TRIO: variants seen among roughly 807,000 people sequenced by gnomAD.
The protein encoded by TRIO is triple functional domain protein.
In TRIO, 58 loss-of-function variants were observed where a neutral mutation model predicts 351.9. That is an observed-to-expected ratio of 0.16 (90% CI 0.13 to 0.21). The LOEUF is 0.21. TRIO is among the 10% of genes least tolerant of loss of function. The pLI is 1.00. For synonymous variants in TRIO, 1,758 were observed against 1,595.7 expected (o/e 1.10, Z -2.42); for missense variants, 3,201 against 4,027.8 (o/e 0.79, Z 5.56).
chr5:14,161,663 A>C (rs1310734667), intron 1 of TRIO, among the ~76,000 whole-genome samples: 1 of 152,098 alleles, frequency 6.6e-6, no homozygotes, highest in Non-Finnish European at 1.5e-5. Context: ...AAAATACAGA[A>C]TCCCTAGAGA....
intron 40 of TRIO, 135 bp downstream of exon 40, chr5:14,474,232 G>A (rs1408782625): frequency 2.7e-6 from 2 of 749,372 alleles, no homozygotes; most frequent in African/African-American, 1.7e-5. Flanking sequence ...TGGTGCAAAG[G>A]AGATATTGAT....
At chr5:14,472,681 TATCTTCGTA>T in intron 39 of TRIO, 23 bp downstream of exon 39, 1 of 1,612,454 alleles carries the variant, frequency 6.2e-7, no homozygotes, top group East Asian at 2.2e-5. Context: ...AGAAATTTAG[TATCTTCGTA>T]TCAGTTCCAA....
At chr5:14,212,357 C>G (rs1247008906) in intron 1 of TRIO, among the ~76,000 whole-genome samples, 1 of 151,962 alleles carries the variant, frequency 6.6e-6, no homozygotes, top group African/African-American at 2.4e-5. Context: ...GATGTCACAC[C>G]CCAGTGCAGC....
rs747345202 is a variant in TRIO at position 14,465,507 on chromosome 5, C to T, written c.5668-38C>T. 4.4e-6 allele frequency: 7 copies of T among 1,605,224 alleles called. No homozygotes were observed. The South Asian group carries it at 4.4e-5, about 10-fold the overall frequency. On this transcript the variant is annotated intron_variant, in intron 36 of 56. Transcript: ENST00000344204. ...GTCTGACCAGTTACTAATGTGAGCCCTTGCCCCACCCCCTCCTTTTCTTAA... is the reference window on the plus strand; with the variant it reads ...GTCTGACCAGTTACTAATGTGAGCCTTTGCCCCACCCCCTCCTTTTCTTAA...
At chr5:14,451,540 A>G (rs1213235518) in intron 34 of TRIO, among the ~76,000 whole-genome samples, 2 of 152,236 alleles carry the variant, frequency 1.3e-5, no homozygotes, top group East Asian at 3.8e-4. Context: ...TGTATGGTGG[A>G]AGAACTTCCT....
At chr5:14,388,555 T>C in intron 23 of TRIO, 58 bp from the exon 24 acceptor site, 13 of 1,492,756 alleles carry the variant, frequency 8.7e-6, no homozygotes, top group Non-Finnish European at 1.2e-5. Context: ...TCCATAAAAG[T>C]AGATAGTGAA....
At chr5:14,395,635 G>A (rs762168471) in intron 28 of TRIO, among the ~76,000 whole-genome samples, 7 of 152,210 alleles carry the variant, frequency 4.6e-5, no homozygotes, top group Non-Finnish European at 1.0e-4. Context: ...GTGCCCATCA[G>A]GCAGCTGAGT....
Position 14,387,770 on chromosome 5 carries a change from C to T in TRIO, c.3804C>T (p.Ile1268=). The part of the protein sequence containing the change: ...SLQLDIIPAS[I]PGSEVKLRDA... ...AGCTAGATATCATTCCAGCCAGTATCCCTGGCTCAGAGGTGAAACTTCGAG... is the reference window on the plus strand; with the variant it reads ...AGCTAGATATCATTCCAGCCAGTATTCCTGGCTCAGAGGTGAAACTTCGAG... Residue 1268 remains isoleucine, a synonymous_variant, in exon 23 of 57, where the codon ATC becomes ATT. Transcript: ENST00000344204. 1 of 1,614,206 alleles carries T rather than the reference C, an allele frequency of 6.2e-7. No homozygotes were observed. The highest frequency in any genetic ancestry group is 2.2e-5 in the East Asian group (1 of 44,886).
intron 18 of TRIO, among the ~76,000 whole-genome samples, 199 bp downstream of exon 18, chr5:14,369,722 T>C (rs1415583151): frequency 6.6e-6 from 1 of 152,258 alleles, no homozygotes; most frequent in Non-Finnish European, 1.5e-5. Flanking sequence ...GATTGCCTTG[T>C]CTTTCTAGTT....
intron 11 of TRIO, among the ~76,000 whole-genome samples, chr5:14,337,218 T>C (rs1210365924): frequency 6.6e-6 from 1 of 152,178 alleles, no homozygotes; most frequent in African/African-American, 2.4e-5. Flanking sequence ...CACCTGTTAA[T>C]CAGCTCATCT....
chr5:14,201,301 A>AT (rs1277185281), intron 1 of TRIO, among the ~76,000 whole-genome samples: 5 of 152,164 alleles, frequency 3.3e-5, no homozygotes, highest in Admixed American at 2.0e-4. Context: ...GTTCTCATCT[A>AT]TTTTTTAGAG....
chr5:14,488,237 G>C lies in TRIO; in HGVS notation c.7609G>C (p.Val2537Leu). 3 of 1,582,696 alleles carry C rather than the reference G, an allele frequency of 1.9e-6. No individual in the cohort carries two copies. The highest frequency in any genetic ancestry group is 1.7e-6 in the Non-Finnish European group (2 of 1,172,028). The change falls in exon 48 of 57, where the codon GTG (valine) becomes CTG (leucine). Residue 2537 changes from valine to leucine, a missense_variant. By Grantham distance (32) the Val-to-Leu change is conservative. This residue lies in a region of TRIO where 1,089 missense variants were observed against 954.9 expected (regional missense o/e 1.14). Transcript: ENST00000344204. ...STCSSASEQS[V>L]QSTQSNGSES... is the part of the protein sequence containing the mutation. ...GTGCTCCTCGGCCAGCGAGCAGTCC[G>C]TGCAGTCCACCCAGAGCAACGGGGT...
At chr5:14,504,688 T>G (rs1287978842) in intron 55 of TRIO, 95 bp downstream of exon 55, 2 of 1,464,160 alleles carry the variant, frequency 1.4e-6, no homozygotes, top group Non-Finnish European at 1.9e-6. Flanking sequence ...GGATAGAAAT[T>G]GGGTTTGTAG....
At chr5:14,357,431 A>C (rs781492526) in intron 11 of TRIO, among the ~76,000 whole-genome samples, 1 of 152,208 alleles carries the variant, frequency 6.6e-6, no homozygotes, top group Non-Finnish European at 1.5e-5. Context: ...ATGGACTTTC[A>C]GGAAGTAGGC....
chr5:14,364,999 A>C (rs1561396399), intron 15 of TRIO, among the ~76,000 whole-genome samples, 183 bp downstream of exon 15: 1 of 152,056 alleles, frequency 6.6e-6, no homozygotes, highest in Non-Finnish European at 1.5e-5. Flanking sequence ...GCCATCCCTA[A>C]TGTGTGAAAA....
intron 21 of TRIO, among the ~76,000 whole-genome samples, chr5:14,385,288 C>A (rs1370151508): frequency 6.6e-6 from 1 of 152,240 alleles, no homozygotes; most frequent in Non-Finnish European, 1.5e-5. Flanking sequence ...ACCGTTCATG[C>A]AACTGATGGA....
chr5:14,461,768 G>A (rs1433347912), intron 35 of TRIO, among the ~76,000 whole-genome samples: 1 of 152,226 alleles, frequency 6.6e-6, no homozygotes, highest in African/African-American at 2.4e-5. Context: ...AAGGACTTGT[G>A]GAGTGTTTGC....
chr5:14,156,505 T>A (rs573429053), intron 1 of TRIO, among the ~76,000 whole-genome samples: 1 of 152,304 alleles, frequency 6.6e-6, no homozygotes, highest in South Asian at 2.1e-4. Context: ...CTCTTGGTGA[T>A]AAAAACCATA....
At chr5:14,384,404 C>A (rs1444675269) in intron 21 of TRIO, among the ~76,000 whole-genome samples, 1 of 152,160 alleles carries the variant, frequency 6.6e-6, no homozygotes, top group African/African-American at 2.4e-5. Flanking sequence ...TTTTATTTTT[C>A]TCCAGTTCCT....
Sources: allele counts gnomAD v4.1 joint callset (sites outside exome capture counted in the v4.1 genomes callset), GRCh38; gene constraint gnomAD v4.1.1; regional missense constraint gnomAD v4.1.1; transcripts MANE v1.5; gene names NCBI Gene and HGNC (gene_info 2026-07-23, HGNC 2026-07-21).